ZNF385D: variants seen among roughly 807,000 people sequenced by gnomAD.
The protein encoded by ZNF385D is zinc finger protein 659.
In ZNF385D, 15 loss-of-function variants were observed where a neutral mutation model predicts 35.8. The ratio of observed to expected loss-of-function variants is 0.42; its 90% CI spans 0.28 to 0.64. The LOEUF is 0.64. ZNF385D is among the 30% of genes least tolerant of loss of function. The pLI, the probability that ZNF385D is intolerant of heterozygous loss-of-function variation, is 0.23. For synonymous variants in ZNF385D, 212 were observed against 186.8 expected (o/e 1.13, Z -1.10); for missense variants, 474 against 494.6 (o/e 0.96, Z 0.39).
At chr3:22,062,437 G>T (rs1318806221) in intron 3 of ZNF385D, among the ~76,000 whole-genome samples, 3 of 152,122 alleles carry the variant, frequency 2.0e-5, no homozygotes, top group Non-Finnish European at 4.4e-5. Context: ...AAATGAGCAA[G>T]TCTAAGTTCA....
intron 3 of ZNF385D, among the ~76,000 whole-genome samples, chr3:21,859,316 C>T (rs1696910520): frequency 6.6e-6 from 1 of 151,858 alleles, no homozygotes; most frequent in Admixed American, 6.6e-5. Context: ...CAAAAGGAGC[C>T]TGTGGCGGCC....
At chr3:22,179,899 AT>A (rs1247420573) in intron 2 of ZNF385D, among the ~76,000 whole-genome samples, 2 of 152,202 alleles carry the variant, frequency 1.3e-5, no homozygotes, top group Non-Finnish European at 2.9e-5. Flanking sequence ...GAGCAAACAC[AT>A]TCAAAAGCTA....
At chr3:22,037,792 G>A (rs1260146924) in intron 3 of ZNF385D, among the ~76,000 whole-genome samples, 1 of 152,142 alleles carries the variant, frequency 6.6e-6, no homozygotes, top group Non-Finnish European at 1.5e-5. Flanking sequence ...CCATGCCTAT[G>A]TCCTGAATGG....
intron 3 of ZNF385D, among the ~76,000 whole-genome samples, chr3:21,962,070 A>C (rs900892504): frequency 6.6e-6 from 1 of 152,152 alleles, no homozygotes; most frequent in Non-Finnish European, 1.5e-5. Context: ...TTACCTGGTT[A>C]TATGGGTGTC....
chr3:22,218,499 A>G (rs187914375), intron 2 of ZNF385D, among the ~76,000 whole-genome samples: 86 of 152,228 alleles, frequency 5.6e-4, no homozygotes, highest in Non-Finnish European at 1.1e-3. Flanking sequence ...GTACATATAT[A>G]TACATACACA....
rs969756376 is a variant in ZNF385D, at chr3:22,104,301, G to A, written c.325+64516C>T. On this transcript the variant is annotated intron_variant, in intron 3 of 5. Coordinates refer to the ZNF385D transcript ENST00000494108. ...TCACATTCACTAAAATTCACTGAGT[G>A]TGTCTCCTGCTACCAAAGGCTCCTT... Among the ~76,000 whole-genome samples, 4 of 151,950 alleles carry A rather than the reference G, an allele frequency of 2.6e-5. No homozygotes were observed. In the South Asian group the frequency reaches 8.3e-4, roughly 32 times the overall value.
At chr3:21,861,217 G>T (rs755766285) in intron 3 of ZNF385D, among the ~76,000 whole-genome samples, 1 of 151,676 alleles carries the variant, frequency 6.6e-6, no homozygotes, top group Non-Finnish European at 1.5e-5. Context: ...CTCAAAACAA[G>T]TTCTATTTTT....
intron 4 of ZNF385D, among the ~76,000 whole-genome samples, chr3:21,458,793 G>T (rs1344944679): frequency 1.5e-5 from 2 of 131,204 alleles, no homozygotes; most frequent in Non-Finnish European, 3.2e-5. Flanking sequence ...AGGGGAGAGG[G>T]AGTCCATGGA....
chr3:22,131,260 A>G (rs891748017), intron 3 of ZNF385D, among the ~76,000 whole-genome samples: 13 of 152,158 alleles, frequency 8.5e-5, no homozygotes, highest in African/African-American at 3.1e-4. Flanking sequence ...GTCCGGTAAG[A>G]TGAGGACTGA....
At chr3:22,330,183 ATTC>A (rs1694871475) in intron 2 of ZNF385D, among the ~76,000 whole-genome samples, 1 of 152,202 alleles carries the variant, frequency 6.6e-6, no homozygotes, top group Non-Finnish European at 1.5e-5. Flanking sequence ...TACAAGAAGT[ATTC>A]TTATTTTCTG....
At chr3:21,913,599 A>G (rs1480556834) in intron 3 of ZNF385D, among the ~76,000 whole-genome samples, 1 of 152,132 alleles carries the variant, frequency 6.6e-6, no homozygotes, top group African/African-American at 2.4e-5. Context: ...GGAAGCTGCT[A>G]CATCAAAAGC....
intron 3 of ZNF385D, among the ~76,000 whole-genome samples, chr3:21,848,752 C>T (rs369953008): frequency 6.6e-6 from 1 of 152,080 alleles, no homozygotes; most frequent in East Asian, 1.9e-4. Context: ...CAAAAGCCTC[C>T]CAACAAAGAA....
intron 3 of ZNF385D, among the ~76,000 whole-genome samples, chr3:21,941,793 G>A (rs757638237): frequency 7.0e-6 from 1 of 142,258 alleles, no homozygotes; most frequent in Non-Finnish European, 1.5e-5. Flanking sequence ...CACCATGCCC[G>A]GCCTCTTTAA....
intron 2 of ZNF385D, among the ~76,000 whole-genome samples, chr3:22,213,904 G>T (rs1697686179): frequency 6.6e-6 from 1 of 151,990 alleles, no homozygotes; most frequent in Admixed American, 6.6e-5. Context: ...TACACCAGAA[G>T]AAAATTTATA....
intron 3 of ZNF385D, among the ~76,000 whole-genome samples, chr3:22,023,366 T>C (rs1193405699): frequency 2.0e-5 from 3 of 152,142 alleles, no homozygotes; most frequent in African/African-American, 7.2e-5. Flanking sequence ...GTAAACATGC[T>C]CATAATATTA....
chr3:21,871,629 C>G (rs1014718374), intron 3 of ZNF385D, among the ~76,000 whole-genome samples: 5 of 152,068 alleles, frequency 3.3e-5, no homozygotes, highest in African/African-American at 9.7e-5. Context: ...ATCTATGCCT[C>G]TTTGTGAGAG....
chr3:22,078,710 G>T (rs563922941), intron 3 of ZNF385D, among the ~76,000 whole-genome samples: 1 of 152,116 alleles, frequency 6.6e-6, no homozygotes, highest in East Asian at 1.9e-4. Flanking sequence ...TGGCTATCAG[G>T]AATCTGTATC....
chr3:21,918,762 G>C (rs1256343863), intron 3 of ZNF385D, among the ~76,000 whole-genome samples: 1 of 152,100 alleles, frequency 6.6e-6, no homozygotes, highest in Non-Finnish European at 1.5e-5. Flanking sequence ...GCAGAAGTGT[G>C]CAGTGTTTAA....
chr3:21,600,730 C>CA (rs2064261098), intron 2 of ZNF385D, among the ~76,000 whole-genome samples: 1 of 150,414 alleles, frequency 6.6e-6, no homozygotes, highest in Non-Finnish European at 1.5e-5. Flanking sequence ...GTGCAGGTAA[C>CA]AAAAAAATAA....
Sources: gnomAD v4.1 joint callset for allele counts (sites outside exome capture counted in the v4.1 genomes callset) on GRCh38, gnomAD v4.1.1 for gene constraint, MANE v1.5 for transcripts, NCBI Gene and HGNC (gene_info 2026-07-23, HGNC 2026-07-21) for gene names.